The following SLC35F4 variants were observed in gnomAD, a reference collection of about 807,000 sequenced individuals.
SLC35F4 encodes solute carrier family 35 member F4.
SLC35F4 carries 24 observed loss-of-function variants against 44.2 expected under a neutral mutation model. The observed-to-expected ratio is 0.54, with a 90% CI of 0.39 to 0.76. The LOEUF (loss-of-function observed/expected upper bound fraction) is 0.76, where lower values mean the gene tolerates loss of function less well. Among genes scored for constraint, SLC35F4 ranks in the 30% least tolerant of loss-of-function variants. SLC35F4 has a pLI of 0.00. For synonymous variants in SLC35F4, 238 were observed against 223.6 expected (o/e 1.06, Z -0.57); for missense variants, 562 against 586.1 (o/e 0.96, Z 0.42).
rs2072542841 is a variant in SLC35F4, at chr14:57,627,649, ACTAT to A, written c.104-33529_104-33526del. Among the ~76,000 whole-genome samples, 4 of 152,162 alleles carry A rather than the reference ACTAT, an allele frequency of 2.6e-5. No individual in the cohort carries two copies. The South Asian group carries it at 8.3e-4, about 32-fold the overall frequency. ...GAACCCAAGAAATAATATACCAGAAACTATCTGACTACTCATTCTTGAATACAAT... is the reference window on the plus strand; with the variant it reads ...GAACCCAAGAAATAATATACCAGAAACTGACTACTCATTCTTGAATACAAT... On this transcript the variant is annotated intron_variant, in intron 1 of 7. Coordinates refer to ENST00000556826, the MANE Select transcript of SLC35F4 (RefSeq NM_001306087.2).
intron 1 of SLC35F4, among the ~76,000 whole-genome samples, chr14:57,923,502 C>T (rs1427763612): frequency 6.6e-6 from 1 of 152,198 alleles, no homozygotes; most frequent in Admixed American, 6.5e-5. Flanking sequence ...AGAATTCTAT[C>T]CAACCAACAA....
At chr14:57,608,600 G>A (rs2071300736) in intron 1 of SLC35F4, among the ~76,000 whole-genome samples, 1 of 152,078 alleles carries the variant, frequency 6.6e-6, no homozygotes, top group African/African-American at 2.4e-5. Flanking sequence ...CATTTCTGTT[G>A]TTTCAGCCAC....
chr14:57,602,414 G>C (rs1018164994), intron 1 of SLC35F4: 9 of 152,230 alleles, frequency 5.9e-5, no homozygotes, highest in African/African-American at 2.2e-4. Flanking sequence ...GAGAACCTAG[G>C]GGGAAGATAA....
intron 1 of SLC35F4, among the ~76,000 whole-genome samples, chr14:57,885,257 T>C (rs1332003967): frequency 6.6e-6 from 1 of 152,180 alleles, no homozygotes; most frequent in Non-Finnish European, 1.5e-5. Flanking sequence ...TTCACCCTAC[T>C]GTACCTTTGA....
intron 1 of SLC35F4, among the ~76,000 whole-genome samples, chr14:57,806,879 C>G (rs1241592488): frequency 2.0e-5 from 3 of 152,134 alleles, no homozygotes; most frequent in Admixed American, 2.0e-4. Context: ...AAAAATAAAG[C>G]TACTTCCTAC....
chr14:57,618,158 C>T (rs918316906), intron 1 of SLC35F4, among the ~76,000 whole-genome samples: 1 of 152,152 alleles, frequency 6.6e-6, no homozygotes, highest in Admixed American at 6.6e-5. Context: ...ACCAATTGAT[C>T]ACATGACAAG....
chr14:57,961,179 G>A (rs1052900835), intron 1 of SLC35F4, among the ~76,000 whole-genome samples: 5 of 152,132 alleles, frequency 3.3e-5, no homozygotes, highest in Non-Finnish European at 5.9e-5. Context: ...TTACTCAGCC[G>A]TGCGCACCCG....
chr14:57,855,600 A>T (rs1181102464), intron 1 of SLC35F4, among the ~76,000 whole-genome samples: 2 of 152,216 alleles, frequency 1.3e-5, no homozygotes, highest in African/African-American at 4.8e-5. Context: ...GGGAGTGTAA[A>T]TTAGTTCAAC....
downstream of SLC35F4, among the ~76,000 whole-genome samples, chr14:57,972,862 G>C (rs1302454685): frequency 2.0e-5 from 3 of 152,194 alleles, no homozygotes; most frequent in Non-Finnish European, 4.4e-5. Context: ...CACCACTGTA[G>C]ACAAAACCCT....
chr14:57,731,852 A>C (rs746682339), intron 1 of SLC35F4, among the ~76,000 whole-genome samples: 12 of 152,200 alleles, frequency 7.9e-5, no homozygotes, highest in Non-Finnish European at 1.8e-4. Flanking sequence ...GCTTGTGGCA[A>C]AAGCATAGAA....
At chr14:57,657,260 T>C (rs1299525703) in intron 1 of SLC35F4, among the ~76,000 whole-genome samples, 1 of 152,222 alleles carries the variant, frequency 6.6e-6, no homozygotes, top group African/African-American at 2.4e-5. Flanking sequence ...CTATGGTTTT[T>C]CAGTCCTTTT....
At chr14:57,847,777 T>A (rs1886168739) in intron 1 of SLC35F4, among the ~76,000 whole-genome samples, 1 of 152,190 alleles carries the variant, frequency 6.6e-6, no homozygotes, top group African/African-American at 2.4e-5. Flanking sequence ...AGCTTCTCAC[T>A]GAGAGAAAAT....
At chr14:57,736,433 T>C (rs1073382) in intron 1 of SLC35F4, among the ~76,000 whole-genome samples, 1 of 152,068 alleles carries the variant, frequency 6.6e-6, no homozygotes, top group East Asian at 1.9e-4. Context: ...AGGGCCTGTA[T>C]AGTAAAATCT....
intron 4 of SLC35F4, among the ~76,000 whole-genome samples, chr14:57,577,209 A>C (rs2068851883): frequency 6.6e-6 from 1 of 152,232 alleles, no homozygotes; most frequent in Admixed American, 6.5e-5. Flanking sequence ...GTACTGTTTT[A>C]GCCTTCAGGG....
chr14:57,870,806 TTGGAGC>T (rs1389264364), upstream of SLC35F4, among the ~76,000 whole-genome samples: 1 of 152,248 alleles, frequency 6.6e-6, no homozygotes, highest in Non-Finnish European at 1.5e-5. Context: ...ATTCACACTC[TTGGAGC>T]TTCACTGTGG....
Position 57,571,949 on chromosome 14 carries a change from G to T in SLC35F4, c.878C>A (p.Ser293Tyr), listed in dbSNP as rs760790696. 6.8e-6 allele frequency: 11 copies of T among 1,612,370 alleles called. No individual in the cohort carries two copies. The Admixed American group carries it at 1.5e-4, about 22-fold the overall frequency. ...CACCGCAAATGCCACTCCTATGATGGAATCAGCGTGGAAATTATCTGCATA... is the reference window on the plus strand; with the variant it reads ...CACCGCAAATGCCACTCCTATGATGTAATCAGCGTGGAAATTATCTGCATA... ...MAYADNFHAD[S>Y]IIGVAFAVGS... Residue 293 changes from serine to tyrosine, a missense_variant, in exon 5 of 8, where the codon TCC becomes TAC. Coordinates refer to ENST00000556826, the MANE Select transcript of SLC35F4 (RefSeq NM_001306087.2).
rs978176782 is a variant in SLC35F4, at chr14:57,806,724, T to A, written c.103+58999A>T. ...ATGAATGTTTCTTGGATTTGTTTGA[T>A]TTAACAAACATTAAAAGCCTGAAAA... On this transcript the variant is annotated intron_variant, in intron 1 of 7. Coordinates refer to ENST00000556826, the MANE Select transcript of SLC35F4 (RefSeq NM_001306087.2). 2.6e-5 allele frequency among the ~76,000 whole-genome samples: 4 copies of A among 152,352 alleles called. No homozygotes were observed. In the South Asian group the frequency reaches 6.2e-4, roughly 24 times the overall value.
chr14:57,945,136 A>G (rs1278601727), intron 1 of SLC35F4, among the ~76,000 whole-genome samples: 1 of 152,144 alleles, frequency 6.6e-6, no homozygotes, highest in Non-Finnish European at 1.5e-5. Context: ...CCTATTCCCA[A>G]ATAAATACCA....
At chr14:57,980,904 TGG>T (rs1167420044) in intron 1 of SLC35F4, among the ~76,000 whole-genome samples, 1 of 152,206 alleles carries the variant, frequency 6.6e-6, no homozygotes, top group Admixed American at 6.5e-5. Context: ...GAAGTTCTTT[TGG>T]AAGGTGCTTT....
Sources: gnomAD v4.1 joint callset for allele counts (sites outside exome capture counted in the v4.1 genomes callset) on GRCh38, gnomAD v4.1.1 for gene constraint, MANE v1.5 for transcripts, NCBI Gene and HGNC (gene_info 2026-07-23, HGNC 2026-07-21) for gene names.